The following TMEM132C variants were observed in gnomAD, a reference collection of about 807,000 sequenced individuals.
TMEM132C encodes transmembrane protein 132C.
TMEM132C carries 29 observed loss-of-function variants against 61.4 expected under a neutral mutation model. The ratio of observed to expected loss-of-function variants is 0.47; its 90% CI spans 0.35 to 0.64. The LOEUF (loss-of-function observed/expected upper bound fraction) is 0.64, where lower values mean the gene tolerates loss of function less well. Among genes scored for constraint, TMEM132C ranks in the 30% least tolerant of loss-of-function variants. The pLI, the probability that TMEM132C is intolerant of heterozygous loss-of-function variation, is 0.00. For synonymous variants in TMEM132C, 656 were observed against 633.1 expected (o/e 1.04, Z -0.54); for missense variants, 1,408 against 1,476.9 (o/e 0.95, Z 0.76).
intron 2 of TMEM132C, among the ~76,000 whole-genome samples, chr12:128,449,962 A>C (rs955139193): frequency 2.0e-5 from 3 of 152,212 alleles, no homozygotes; most frequent in African/African-American, 7.2e-5. Flanking sequence ...AAGACCTATG[A>C]AGATTTGACG....
At chr12:128,324,496 G>A (rs1872441120) in intron 1 of TMEM132C, among the ~76,000 whole-genome samples, 1 of 152,108 alleles carries the variant, frequency 6.6e-6, no homozygotes, top group African/African-American at 2.4e-5. Context: ...GTGTGTATAG[G>A]CTTATAAATC....
intron 4 of TMEM132C, among the ~76,000 whole-genome samples, chr12:128,667,477 G>A (rs1337452902): frequency 6.6e-6 from 1 of 152,228 alleles, no homozygotes; most frequent in Non-Finnish European, 1.5e-5. Context: ...GGACCCAGGA[G>A]AAGACACAGC....
chr12:128,345,708 T>C (rs1041913004), intron 1 of TMEM132C, among the ~76,000 whole-genome samples: 1 of 152,230 alleles, frequency 6.6e-6, no homozygotes, highest in Admixed American at 6.5e-5. Flanking sequence ...CGCATATATG[T>C]CTTCTTTTGA....
At chr12:128,580,900 C>G (rs11059776) in intron 3 of TMEM132C, among the ~76,000 whole-genome samples, 1 of 152,134 alleles carries the variant, frequency 6.6e-6, no homozygotes, top group Non-Finnish European at 1.5e-5. Flanking sequence ...CAGGTGCCTG[C>G]TAGGATATTT....
At chr12:128,520,899 T>C (rs1456200332) in intron 2 of TMEM132C, among the ~76,000 whole-genome samples, 1 of 152,104 alleles carries the variant, frequency 6.6e-6, no homozygotes, top group Non-Finnish European at 1.5e-5. Context: ...TTTGCTCCCA[T>C]GTTGTGTGTT....
intron 4 of TMEM132C, among the ~76,000 whole-genome samples, chr12:128,641,893 C>T (rs1954160538): frequency 6.6e-6 from 1 of 151,734 alleles, no homozygotes; most frequent in Admixed American, 6.6e-5. Context: ...CTCTTAAGTT[C>T]AAGTGATTTT....
chr12:128,374,088 G>A (rs765043718), intron 1 of TMEM132C, among the ~76,000 whole-genome samples: 2 of 152,188 alleles, frequency 1.3e-5, no homozygotes, highest in Admixed American at 6.5e-5. Context: ...TGTAAGACAC[G>A]ATGAGGAAAT....
chr12:128,587,815 G>A (rs541493219), intron 3 of TMEM132C, among the ~76,000 whole-genome samples: 26 of 152,228 alleles, frequency 1.7e-4, no homozygotes, highest in Non-Finnish European at 3.8e-4. Flanking sequence ...GTGTAAGTTT[G>A]AGGAAAAAAA....
Position 128,632,720 on chromosome 12 carries a change from A to G in TMEM132C, c.1305+16385A>G, listed in dbSNP as rs572396457. Among the ~76,000 whole-genome samples, 4 of 152,310 alleles carry G rather than the reference A, an allele frequency of 2.6e-5. No homozygotes were observed. In the East Asian group the frequency reaches 7.7e-4, roughly 29 times the overall value. ...TGTGCAGAATCAATAAGGTCACTGA[A>G]TGAGAACAGTCTCCTTAGCATGAAA... On this transcript the variant is annotated intron_variant, in intron 4 of 8. Transcript: ENST00000435159.
In TMEM132C at chr12:128,705,110, G is replaced by A. The variant is rs772602734; in HGVS notation, c.2142G>A (p.Trp714Ter). ...TPKQEAVFSTWLQFSDGSVTP... is the reference protein window; with the variant it reads ...TPKQEAVFST ...TGCAGGAGGCTGTATTCAGCACGTG[G>A]CTGCAGTTCAGTGATGGCTCTGTGA... The change falls in exon 9 of 9, where the codon TGG (tryptophan) becomes TGA (stop). Residue 714 changes from tryptophan to a stop codon, truncating the protein, a stop_gained. Transcript: ENST00000435159. LOFTEE classifies it low-confidence loss of function (END_TRUNC). 1 of 1,542,620 alleles carries A rather than the reference G, an allele frequency of 6.5e-7. No individual in the cohort carries two copies. Among genetic ancestry groups the A allele is most frequent in the Non-Finnish European group, 8.8e-7 (1 of 1,140,390 alleles).
intron 2 of TMEM132C, among the ~76,000 whole-genome samples, chr12:128,464,878 G>A (rs1870676563): frequency 6.6e-6 from 1 of 152,054 alleles, no homozygotes. Flanking sequence ...GGCTGTGTGA[G>A]CATTAGGGCC....
chr12:128,552,554 AT>A (rs1593097611), intron 3 of TMEM132C, among the ~76,000 whole-genome samples: 2 of 152,386 alleles, frequency 1.3e-5, no homozygotes, highest in Admixed American at 6.5e-5. Flanking sequence ...ACACAAATAA[AT>A]GGAGAAAATG....
intron 5 of TMEM132C, among the ~76,000 whole-genome samples, chr12:128,679,709 G>A (rs1426388465): frequency 3.3e-5 from 5 of 152,096 alleles, no homozygotes; most frequent in Non-Finnish European, 7.3e-5. Context: ...TATGCTCTGG[G>A]GATACAGTCA....
At chr12:128,338,508 G>A (rs529338271) in intron 1 of TMEM132C, among the ~76,000 whole-genome samples, 2 of 152,136 alleles carry the variant, frequency 1.3e-5, no homozygotes, top group Admixed American at 6.5e-5. Flanking sequence ...TCATGGGGTG[G>A]GATCTTTGCC....
chr12:128,696,214 A>G, intron 7 of TMEM132C, 111 bp downstream of exon 7: 1 of 1,391,266 alleles, frequency 7.2e-7, no homozygotes. Context: ...CATGTGTATC[A>G]TGGGAACACA....
intron 2 of TMEM132C, among the ~76,000 whole-genome samples, chr12:128,495,285 T>C (rs928610140): frequency 2.0e-5 from 3 of 152,084 alleles, no homozygotes; most frequent in African/African-American, 7.2e-5. Context: ...ATAAGTGTGA[T>C]GTGGTGCTGA....
chr12:128,406,738 T>A (rs1456402906), intron 1 of TMEM132C, among the ~76,000 whole-genome samples: 3 of 152,180 alleles, frequency 2.0e-5, no homozygotes, highest in Non-Finnish European at 4.4e-5. Context: ...GCACCCTTAT[T>A]ACGAGTCAGG....
At chr12:128,482,194 G>A (rs1304042084) in intron 2 of TMEM132C, among the ~76,000 whole-genome samples, 3 of 152,252 alleles carry the variant, frequency 2.0e-5, no homozygotes, top group East Asian at 1.9e-4. Flanking sequence ...GATGGATTAC[G>A]TTTATTGATT....
intron 3 of TMEM132C, among the ~76,000 whole-genome samples, chr12:128,544,696 G>A (rs1426384256): frequency 6.6e-6 from 1 of 152,302 alleles, no homozygotes; most frequent in South Asian, 2.1e-4. Context: ...CCCACTGATA[G>A]CATGTTGGTT....
Sources: gnomAD v4.1 joint callset for allele counts (sites outside exome capture counted in the v4.1 genomes callset) on GRCh38, gnomAD v4.1.1 for gene constraint, MANE v1.5 for transcripts, NCBI Gene and HGNC (gene_info 2026-07-23, HGNC 2026-07-21) for gene names.